Variants in COL25A1 observed in about 807,000 individuals in gnomAD.
The protein encoded by COL25A1 is collagen type XXV alpha 1 chain.
COL25A1 carries 103 observed loss-of-function variants against 128.4 expected under a neutral mutation model. The ratio of observed to expected loss-of-function variants is 0.80; its 90% CI spans 0.68 to 0.94. COL25A1 has a LOEUF of 0.94. Ranked by LOEUF, COL25A1 falls within the 40% of genes least tolerant of loss-of-function variation. COL25A1 has a pLI of 0.00. For synonymous variants in COL25A1, 279 were observed against 277.2 expected, an observed-to-expected ratio of 1.01 and a Z score of -0.06; for missense variants, 745 against 840.0, an observed-to-expected ratio of 0.89 and a Z score of 1.40.
chr4:109,110,950 C>T (rs1273557624), intron 3 of COL25A1, among the ~76,000 whole-genome samples: 1 of 152,162 alleles, frequency 6.6e-6, no homozygotes, highest in African/African-American at 2.4e-5. Flanking sequence ...AAATTTTCCT[C>T]CAAAGAAGTT....
chr4:109,060,694 A>AC (rs386401125), intron 3 of COL25A1, among the ~76,000 whole-genome samples: 11 of 151,920 alleles, frequency 7.2e-5, no homozygotes, highest in African/African-American at 2.7e-4. Context: ...TTTCAAAAAA[A>AC]AAAAAACAAA....
intron 8 of COL25A1, among the ~76,000 whole-genome samples, chr4:108,945,884 C>G (rs750773351): frequency 6.6e-6 from 1 of 152,082 alleles, no homozygotes; most frequent in Non-Finnish European, 1.5e-5. Context: ...AGGCTGGTCT[C>G]GAACTCCTGA....
rs1189273563 is a variant in COL25A1, at chr4:108,845,161, AATGGAAGTTCAGCCACC to A, written c.1578+11_1578+27del. ...TCAGTGTGTGAGGAGGTTCAGGAAC[AATGGAAGTTCAGCCACC>A]ATGGACTTACAGAAGGACCCTGTGG... On this transcript the variant is annotated intron_variant, in intron 29 of 37. Coordinates refer to ENST00000399132, the MANE Select transcript of COL25A1 (RefSeq NM_198721.4). 1 of 1,595,284 alleles carries A rather than the reference AATGGAAGTTCAGCCACC, an allele frequency of 6.3e-7. No individual in the cohort carries two copies. The highest frequency in any genetic ancestry group is 1.7e-5 in the Admixed American group (1 of 59,980).
intron 11 of COL25A1, among the ~76,000 whole-genome samples, chr4:108,932,698 C>T (rs116132691): frequency 0.019 from 2,839 of 151,974 alleles, 85 homozygotes; most frequent in African/African-American, 0.063. Context: ...TTTTCAATAC[C>T]GTCTATCTTT....
chr4:109,119,871 T>C (rs1055071993), intron 3 of COL25A1, among the ~76,000 whole-genome samples: 1 of 151,928 alleles, frequency 6.6e-6, no homozygotes, highest in African/African-American at 2.4e-5. Flanking sequence ...TAAACACAGA[T>C]GCAAAAATCT....
rs190460646 is a variant in COL25A1, at chr4:109,184,751, G to A, written c.367+115832C>T. ...TAATTTCAGGGCAGAAGAGCTCTCC[G>A]AGGTCACGTATAGCAGTTTCCTGTC... On this transcript the variant is annotated intron_variant, in intron 3 of 37. Transcript: ENST00000399132. Among the ~76,000 whole-genome samples the A allele has an allele frequency of 5.5e-3, 832 of 152,280 alleles. 9 individuals are homozygous for A. Among genetic ancestry groups the A allele is most frequent in the African/African-American group, 0.019 (805 of 41,542 alleles).
intron 5 of COL25A1, among the ~76,000 whole-genome samples, chr4:109,025,306 T>C (rs1758150082): frequency 6.6e-6 from 1 of 152,176 alleles, no homozygotes; most frequent in African/African-American, 2.4e-5. Flanking sequence ...ACCTAGGCAA[T>C]TTTTACTGCC....
chr4:108,905,821 G>C (rs369895341), intron 13 of COL25A1, among the ~76,000 whole-genome samples: 12 of 147,652 alleles, frequency 8.1e-5, no homozygotes, highest in African/African-American at 3.1e-4. Context: ...AAATGCACCA[G>C]AGAACTCTGC....
Position 108,912,654 on chromosome 4 carries a change from C to CA in COL25A1, c.780+5517dup, listed in dbSNP as rs1282182043. ...TGGCAGTAAATATATAAATAAATAA[C>CA]AAAAAAACTGTGTTTAGTGTTTATA... is the stretch of plus-strand genomic sequence containing the variant. On this transcript the variant is annotated intron_variant, in intron 13 of 37. Transcript: ENST00000399132. Among the ~76,000 whole-genome samples, 8 of 151,974 alleles carry CA rather than the reference C, an allele frequency of 5.3e-5. No individual in the cohort carries two copies. In the South Asian group the frequency reaches 8.3e-4, roughly 16 times the overall value.
chr4:109,270,933 T>C (rs1224636655), intron 3 of COL25A1, among the ~76,000 whole-genome samples: 1 of 152,208 alleles, frequency 6.6e-6, no homozygotes, highest in Admixed American at 6.5e-5. Context: ...ATGCCTACTA[T>C]GCATTATTTC....
At chr4:108,889,162 G>A in intron 18 of COL25A1, 59 bp downstream of exon 18, 1 of 1,359,584 alleles carries the variant, frequency 7.4e-7, no homozygotes, top group Admixed American at 1.7e-5. Flanking sequence ...CACAGTGGAT[G>A]GTAGATATAA....
intron 3 of COL25A1, among the ~76,000 whole-genome samples, chr4:109,098,249 A>T (rs2126018319): frequency 6.6e-6 from 1 of 152,296 alleles, no homozygotes; most frequent in East Asian, 1.9e-4. Flanking sequence ...TCTAAGACCC[A>T]TACTGTCTTG....
intron 37 of COL25A1, among the ~76,000 whole-genome samples, chr4:108,814,697 C>T (rs573940010): frequency 1.3e-5 from 2 of 152,288 alleles, no homozygotes; most frequent in South Asian, 4.1e-4. Flanking sequence ...ATCTTAGAGA[C>T]GTCCTTGACA....
intron 6 of COL25A1, among the ~76,000 whole-genome samples, chr4:109,000,427 G>C (rs1040584973): frequency 1.3e-5 from 2 of 152,068 alleles, no homozygotes; most frequent in African/African-American, 2.4e-5. Context: ...CAAAGTCCAT[G>C]CCCCTCTATT....
chr4:109,290,020 G>GA (rs1261583020), intron 3 of COL25A1, among the ~76,000 whole-genome samples: 1 of 151,886 alleles, frequency 6.6e-6, no homozygotes, highest in African/African-American at 2.4e-5. Flanking sequence ...AAAATGATGA[G>GA]AAAAAATGAT....
chr4:108,810,154 C>T lies in COL25A1; in HGVS notation c.*3773G>A, dbSNP rs2125696212. The T allele has an allele frequency of 6.6e-6, 1 of 150,702 alleles. No individual in the cohort carries two copies. Among genetic ancestry groups the T allele is most frequent in the Non-Finnish European group, 1.5e-5 (1 of 67,498 alleles). 9.3% of individuals were successfully genotyped at this position (150,702 alleles called of 1,614,324 possible). On this transcript the variant is annotated 3_prime_UTR_variant, in exon 38 of 38. Transcript: ENST00000399132. ...TATATAGTGGGGAAAGAAAGGATAACAAATGATGTTAACTTTTCATGCTTC... is the reference window on the plus strand; with the variant it reads ...TATATAGTGGGGAAAGAAAGGATAATAAATGATGTTAACTTTTCATGCTTC...
chr4:108,974,448 C>T, intron 7 of COL25A1, 55 bp from the exon 8 acceptor site: 1 of 1,608,990 alleles, frequency 6.2e-7, no homozygotes, highest in Middle Eastern at 1.7e-4. Context: ...ACATGATGTT[C>T]ATTAAAAAGA....
At chr4:109,111,589 T>C (rs933500531) in intron 3 of COL25A1, among the ~76,000 whole-genome samples, 2 of 152,192 alleles carry the variant, frequency 1.3e-5, no homozygotes, top group Admixed American at 6.5e-5. Context: ...GGTCTAGATA[T>C]GGCCTCAGAC....
intron 4 of COL25A1, among the ~76,000 whole-genome samples, chr4:109,049,665 TA>T (rs1179222897): frequency 1.3e-5 from 2 of 152,052 alleles, no homozygotes; most frequent in Admixed American, 1.3e-4. Context: ...ACGGTAAGAG[TA>T]AAAGCATGAC....
Sources: allele counts gnomAD v4.1 joint callset (sites outside exome capture counted in the v4.1 genomes callset), GRCh38; gene constraint gnomAD v4.1.1; transcripts MANE v1.5; gene names NCBI Gene and HGNC (gene_info 2026-07-23, HGNC 2026-07-21).